Variants in CAMK2G observed in about 807,000 individuals in gnomAD.
The protein encoded by CAMK2G is calcium/calmodulin dependent protein kinase II gamma, also known as calcium/calmodulin-dependent protein kinase type II subunit gamma.
CAMK2G carries 23 observed loss-of-function variants against 88.7 expected under a neutral mutation model. The observed-to-expected ratio is 0.26, with a 90% confidence interval of 0.19 to 0.37. CAMK2G has a LOEUF of 0.37. Ranked by LOEUF, CAMK2G falls within the 10% of genes least tolerant of loss-of-function variation. The pLI, the probability that CAMK2G is intolerant of heterozygous loss-of-function variation, is 1.00. For synonymous variants in CAMK2G, 263 were observed against 294.8 expected, an observed-to-expected ratio of 0.89 and a Z score of 1.11; for missense variants, 476 against 780.8, an observed-to-expected ratio of 0.61 and a Z score of 4.65.
At chr10:73,818,378 G>A (rs1207518319) in intron 19 of CAMK2G, 14 of 257,984 alleles carry the variant, frequency 5.4e-5, no homozygotes, top group Admixed American at 2.2e-4. Flanking sequence ...ATGTCCTGCC[G>A]GCATGGGCTT....
intron 1 of CAMK2G, chr10:73,873,555 A>G (rs2095923686): frequency 1.2e-5 from 12 of 994,894 alleles, no homozygotes; most frequent in Non-Finnish European, 1.4e-5. Context: ...ACCATGGGGC[A>G]AAGTGAGGCT....
chr10:73,831,562 A>C lies in CAMK2G; in HGVS notation c.1054-3441T>G, dbSNP rs573414676. 2.7e-5 allele frequency among the ~76,000 whole-genome samples: 4 copies of C among 149,578 alleles called. No homozygotes were observed. In the East Asian group the frequency reaches 6.0e-4, roughly 22 times the overall value. On this transcript the variant is annotated intron_variant, in intron 14 of 22. Coordinates refer to ENST00000423381, the MANE Select transcript of CAMK2G (RefSeq NM_001367534.1). ...AAAAAAAAAAAAAAAAAAAAAAAGA[A>C]AGCAATCTTTTAAGATATCATTATA...
intron 10 of CAMK2G, among the ~76,000 whole-genome samples, chr10:73,844,393 T>C (rs984872860): frequency 1.3e-4 from 20 of 149,816 alleles, no homozygotes; most frequent in South Asian, 6.4e-4. Flanking sequence ...TCCTGACCAA[T>C]ATAATCTTTA....
intron 19 of CAMK2G, chr10:73,818,570 G>A (rs2086576061): frequency 1.2e-5 from 5 of 403,884 alleles, no homozygotes; most frequent in South Asian, 8.9e-5. Context: ...GGCCCAGCCG[G>A]GCCAGCACAG....
chr10:73,845,258 A>C (rs1257409106), intron 10 of CAMK2G, among the ~76,000 whole-genome samples: 1 of 152,128 alleles, frequency 6.6e-6, no homozygotes, highest in Admixed American at 6.5e-5. Context: ...GTCTGGCTGG[A>C]GGTTGCCAGA....
rs901733683 is a variant in CAMK2G at position 73,812,639 on chromosome 10, A to G, written c.*1879T>C. On this transcript the variant is annotated 3_prime_UTR_variant, in exon 23 of 23. Transcript: ENST00000423381. ...TTGTCATGCAAAAATTCTGCATCAA[A>G]TGCCTTCCGTTTCTTGTTTAAAAGG... is the stretch of plus-strand genomic sequence containing the variant. 6.5e-6 allele frequency: 1 copy of G among 152,674 alleles called. No individual in the cohort carries two copies. The highest frequency in any genetic ancestry group is 2.4e-5 in the African/African-American group (1 of 41,452). The allele number at this position is 152,674 out of a possible 1,614,324, so 9.5% of individuals were successfully genotyped here. A position where few individuals can be genotyped will look rare whatever the true frequency, so the allele number is the denominator to read the frequency against.
chr10:73,874,356 G>A (rs1300222301), intron 1 of CAMK2G, 41 bp downstream of exon 1: 21 of 1,382,716 alleles, frequency 1.5e-5, no homozygotes, highest in Admixed American at 2.3e-5. Flanking sequence ...ATAGCTCCCG[G>A]GCGGCAGGGC....
intron 14 of CAMK2G, chr10:73,837,105 A>G (rs1176849565): frequency 7.6e-6 from 2 of 263,154 alleles, no homozygotes; most frequent in Non-Finnish European, 1.5e-5. Flanking sequence ...CATTTGATTA[A>G]AAGGATTTGT....
At chr10:73,835,984 G>A (rs1399931121) in intron 14 of CAMK2G, among the ~76,000 whole-genome samples, 1 of 152,030 alleles carries the variant, frequency 6.6e-6, no homozygotes, top group Non-Finnish European at 1.5e-5. Flanking sequence ...ACAGGCACCG[G>A]TCATTATGAC....
At position 73,815,084 on chromosome 10, in the gene CAMK2G, G is replaced by A. The variant is rs748653669; in HGVS notation, c.1698C>T (p.His566=). 4 of 1,614,218 alleles carry A rather than the reference G, an allele frequency of 2.5e-6. No individual in the cohort carries two copies. Among genetic ancestry groups the A allele is most frequent in the Non-Finnish European group, 3.4e-6 (4 of 1,180,048 alleles). ...TSQSEETRVW[H]RRDGKWLNVH... ...CATTGAGCCACTTGCCATCCCGACG[G>A]TGCCAGACCCGGGTCTCTTCTGACT... Residue 566 remains histidine, a synonymous_variant, in exon 22 of 23, where the codon CAC becomes CAT. Transcript: ENST00000423381.
intron 3 of CAMK2G, among the ~76,000 whole-genome samples, chr10:73,859,342 C>T (rs1328795344): frequency 6.6e-6 from 1 of 152,212 alleles, no homozygotes; most frequent in Non-Finnish European, 1.5e-5. Flanking sequence ...CAGAGCCAAG[C>T]CTTCTGACTG....
At chr10:73,823,985 C>A (rs1186743775) in intron 17 of CAMK2G, 55 bp downstream of exon 17, 2 of 1,432,542 alleles carry the variant, frequency 1.4e-6, no homozygotes, top group East Asian at 2.3e-5. Flanking sequence ...TGGGACCCAG[C>A]CCACCTGTCT....
chr10:73,855,822 C>CAAT, intron 3 of CAMK2G, among the ~76,000 whole-genome samples: 1 of 152,340 alleles, frequency 6.6e-6, no homozygotes, highest in Non-Finnish European at 1.5e-5. Flanking sequence ...GAAGCTGTAT[C>CAAT]TGAATAAGAC....
At chr10:73,815,377 C>CT (rs907156891) in intron 21 of CAMK2G, 130 bp from the exon 22 acceptor site, 4 of 652,768 alleles carry the variant, frequency 6.1e-6, no homozygotes, top group African/African-American at 5.5e-5. Context: ...CCGCCCCCCC[C>CT]CACCCCCGAA....
chr10:73,817,938 C>T (rs907669141), intron 19 of CAMK2G, among the ~76,000 whole-genome samples: 1 of 152,196 alleles, frequency 6.6e-6, no homozygotes, highest in Non-Finnish European at 1.5e-5. Flanking sequence ...AAGGCCGCTT[C>T]CACCCCCAAT....
chr10:73,870,787 T>C (rs1009779151), intron 2 of CAMK2G, among the ~76,000 whole-genome samples: 1 of 152,078 alleles, frequency 6.6e-6, no homozygotes, highest in African/African-American at 2.4e-5. Context: ...ATAAAATATA[T>C]AGTGTAAACT....
intron 10 of CAMK2G, among the ~76,000 whole-genome samples, chr10:73,845,526 G>A (rs1307243969): frequency 6.6e-6 from 1 of 150,826 alleles, no homozygotes; most frequent in African/African-American, 2.4e-5. Flanking sequence ...AGCTTGCAGT[G>A]AGACCGCGCC....
intron 2 of CAMK2G, among the ~76,000 whole-genome samples, chr10:73,864,642 GT>G (rs1393506943): frequency 2.0e-5 from 3 of 151,416 alleles, no homozygotes; most frequent in Admixed American, 6.6e-5. Flanking sequence ...TCTTTTGTTT[GT>G]TTTTTTTGCT....
intron 15 of CAMK2G, among the ~76,000 whole-genome samples, chr10:73,827,157 G>A (rs1253650799): frequency 6.6e-6 from 1 of 152,194 alleles, no homozygotes; most frequent in Non-Finnish European, 1.5e-5. Flanking sequence ...ACCTGCAGAG[G>A]GCTGGGATGT....
Sources: allele counts gnomAD v4.1 joint callset (sites outside exome capture counted in the v4.1 genomes callset), GRCh38; gene constraint gnomAD v4.1.1; transcripts MANE v1.5; gene names NCBI Gene and HGNC (gene_info 2026-07-23, HGNC 2026-07-21).